The following MYOF variants were observed in gnomAD, a reference collection of about 807,000 sequenced individuals.
MYOF encodes myoferlin, also known as fer-1-like 3, myoferlin.
A neutral mutation model predicts 284.2 loss-of-function variants in MYOF; 244 were observed. The observed-to-expected ratio is 0.86, with a 90% CI of 0.77 to 0.95. MYOF has a LOEUF of 0.95. Among genes scored for constraint, MYOF ranks in the 40% least tolerant of loss-of-function variants. The pLI is 0.00. For synonymous variants in MYOF, 904 were observed against 919.7 expected (o/e 0.98, Z 0.31); for missense variants, 2,496 against 2,560.6 (o/e 0.97, Z 0.54).
chr10:93,432,919 AT>A (rs1848937913), intron 3 of MYOF, among the ~76,000 whole-genome samples: 1 of 152,202 alleles, frequency 6.6e-6, no homozygotes, highest in Non-Finnish European at 1.5e-5. Context: ...TACTCAAAAC[AT>A]TTTTATAGTT....
At chr10:93,340,130 A>G (rs1316080953) in intron 39 of MYOF, 23 bp downstream of exon 39, 2 of 1,613,246 alleles carry the variant, frequency 1.2e-6, no homozygotes, top group Non-Finnish European at 1.7e-6. Context: ...TCTTAAATGT[A>G]GCAAAATGTA....
At chr10:93,475,650 T>C (rs1223973805) in intron 1 of MYOF, among the ~76,000 whole-genome samples, 2 of 152,210 alleles carry the variant, frequency 1.3e-5, no homozygotes, top group African/African-American at 4.8e-5. Context: ...AAAATGTATA[T>C]TCAACATCAG....
chr10:93,321,412 CTTTTTTTTTTTTTT>C (rs35765868), intron 48 of MYOF, among the ~76,000 whole-genome samples: 2 of 121,178 alleles, frequency 1.7e-5, no homozygotes, highest in East Asian at 2.4e-4. Context: ...GACTATTAAC[CTTTTTTTTTTTTTT>C]TTTTTTTTTA....
chr10:93,421,972 A>C (rs1223057145), intron 5 of MYOF, among the ~76,000 whole-genome samples: 2 of 151,760 alleles, frequency 1.3e-5, no homozygotes, highest in Admixed American at 1.3e-4. Flanking sequence ...AGTTTCTCTT[A>C]GCCAGATTAG....
rs56124235 is a variant in MYOF, at chr10:93,396,969, A to T, written c.1334+278T>A. On this transcript the variant is annotated intron_variant, in intron 15 of 53. Transcript: ENST00000359263. Reference sequence around the variant, plus strand: ...TGTATTTCTGAAGTCTATTCTGGACAGCCTAATGATAATTAAATCCCTGAT... The same window carrying T: ...TGTATTTCTGAAGTCTATTCTGGACTGCCTAATGATAATTAAATCCCTGAT... Among the ~76,000 whole-genome samples the T allele has an allele frequency of 3.9e-3, 600 of 152,348 alleles. 5 individuals are homozygous for T. Among genetic ancestry groups the T allele is most frequent in the Non-Finnish European group, 7.1e-3 (480 of 68,028 alleles).
intron 43 of MYOF, among the ~76,000 whole-genome samples, chr10:93,331,706 A>AG (rs1258567950): frequency 2.4e-4 from 5 of 20,490 alleles, no homozygotes; most frequent in Non-Finnish European, 5.1e-4. Context: ...CGGGGGGCGT[A>AG]GGGGGGGTGG....
chr10:93,321,589 G>A (rs72817272), intron 48 of MYOF, among the ~76,000 whole-genome samples: 392 of 151,930 alleles, frequency 2.6e-3, no homozygotes, highest in Admixed American at 5.1e-3. Flanking sequence ...ACTCACTGAG[G>A]AGAGTTCACA....
intron 40 of MYOF, among the ~76,000 whole-genome samples, chr10:93,337,327 G>A (rs1022453138): frequency 1.3e-5 from 2 of 151,970 alleles, no homozygotes; most frequent in East Asian, 1.9e-4. Context: ...CTAGTCAGCC[G>A]TGCCTAGCTC....
At position 93,387,910 on chromosome 10, in the gene MYOF, C is replaced by G. The variant is rs1011162553; in HGVS notation, c.1585G>C (p.Glu529Gln). The change falls in exon 19 of 54, where the codon GAA becomes CAA. Residue 529 changes from glutamate (E) to glutamine (Q), a missense_variant. Around this residue, in one of 3 missense-constraint regions of MYOF, gnomAD observed 2,436 missense variants for 2,480.7 expected, o/e 0.98. Transcript: ENST00000359263. ...ATCCTGCCTCTGTAGGCAACTCCTT[C>G]CCCCTGAAAGGCAATAATCCAGGAT... ...PYDELNTGKG[E>Q]GVAYRGRILV... 2 of 1,611,496 alleles carry G rather than the reference C, an allele frequency of 1.2e-6. No homozygotes were observed. The highest frequency in any genetic ancestry group is 1.7e-6 in the Non-Finnish European group (2 of 1,177,792).
intron 38 of MYOF, among the ~76,000 whole-genome samples, chr10:93,342,633 G>A (rs1414230990): frequency 6.6e-6 from 1 of 152,156 alleles, no homozygotes; most frequent in Non-Finnish European, 1.5e-5. Context: ...GAAAATACTG[G>A]CATAGCTTGT....
At chr10:93,326,072 C>A in intron 45 of MYOF, 107 bp from the exon 46 acceptor site, 1 of 1,380,644 alleles carries the variant, frequency 7.2e-7, no homozygotes, top group Non-Finnish European at 1.0e-6. Context: ...CCAAAATGGA[C>A]AGGCAGTGCC....
chr10:93,434,945 G>A (rs1349493888), intron 3 of MYOF, among the ~76,000 whole-genome samples: 2 of 152,004 alleles, frequency 1.3e-5, no homozygotes, highest in Admixed American at 1.3e-4. Flanking sequence ...ATCTCTCTCA[G>A]CCACACAGCA....
rs1001781246 is a variant in MYOF at position 93,391,445 on chromosome 10, A to G, written c.1456+1472T>C. Among the ~76,000 whole-genome samples the G allele has an allele frequency of 2.0e-5, 3 of 151,900 alleles. No individual in the cohort carries two copies. In the Middle Eastern group the frequency reaches 0.01, roughly 517 times the overall value. ...CATCTCTACTAAAAACACAAAAAAA[A>G]TTAGCCAGGCATGGTGGCAGGTGCC... On this transcript the variant is annotated intron_variant, in intron 17 of 53. Transcript: ENST00000359263.
chr10:93,466,614 G>A (rs1422760080), intron 1 of MYOF, among the ~76,000 whole-genome samples: 1 of 152,154 alleles, frequency 6.6e-6, no homozygotes, highest in Non-Finnish European at 1.5e-5. Context: ...GGAGGGCCAG[G>A]CACCTGGCTT....
intron 1 of MYOF, among the ~76,000 whole-genome samples, chr10:93,470,431 C>T (rs1003438809): frequency 2.0e-5 from 3 of 151,872 alleles, no homozygotes; most frequent in African/African-American, 4.8e-5. Flanking sequence ...GAGACAGAGT[C>T]GCTCTGTCAC....
chr10:93,372,787 CAG>C, intron 24 of MYOF, 141 bp downstream of exon 24: 1 of 962,956 alleles, frequency 1.0e-6, no homozygotes, highest in Non-Finnish European at 1.5e-6. Context: ...ATTATTGCCC[CAG>C]AGAGAGGGAC....
chr10:93,463,513 C>T (rs58968572), intron 1 of MYOF, among the ~76,000 whole-genome samples: 2,223 of 149,742 alleles, frequency 0.015, 63 homozygotes, highest in African/African-American at 0.052. Context: ...GATTCTCCTG[C>T]CTCAGCCTGC....
chr10:93,456,997 CCATT>C (rs1554870437), intron 1 of MYOF, 60 bp from the exon 2 acceptor site: 57 of 1,280,242 alleles, frequency 4.5e-5, no homozygotes, highest in South Asian at 4.2e-4. Flanking sequence ...AGAGCGTGGG[CCATT>C]CATTTATTCT....
chr10:93,448,554 C>T (rs1229750045), intron 3 of MYOF, among the ~76,000 whole-genome samples: 1 of 152,122 alleles, frequency 6.6e-6, no homozygotes, highest in Non-Finnish European at 1.5e-5. Context: ...GTTTTGAGGC[C>T]AGCCCATTGC....
Sources: gnomAD v4.1 joint callset for allele counts (sites outside exome capture counted in the v4.1 genomes callset) on GRCh38, gnomAD v4.1.1 for gene constraint, gnomAD v4.1.1 regional missense constraint, MANE v1.5 for transcripts, NCBI Gene and HGNC (gene_info 2026-07-23, HGNC 2026-07-21) for gene names.